The following ZNF385D variants were observed in gnomAD, a reference collection of about 807,000 sequenced individuals.
ZNF385D encodes the protein zinc finger protein 659.
A neutral mutation model predicts 35.8 loss-of-function variants in ZNF385D; 15 were observed. The ratio of observed to expected loss-of-function variants is 0.42; its 90% CI spans 0.28 to 0.64. The LOEUF is 0.64. Ranked by LOEUF, ZNF385D falls within the 30% of genes least tolerant of loss-of-function variation. ZNF385D has a pLI of 0.23. For synonymous variants in ZNF385D, 212 were observed against 186.8 expected, an observed-to-expected ratio of 1.13 and a Z score of -1.10; for missense variants, 474 against 494.6, an observed-to-expected ratio of 0.96 and a Z score of 0.39.
At chr3:21,448,988 T>A (rs1477821743) in intron 4 of ZNF385D, among the ~76,000 whole-genome samples, 2 of 152,156 alleles carry the variant, frequency 1.3e-5, no homozygotes, top group Non-Finnish European at 2.9e-5. Flanking sequence ...TTTCTTTTTT[T>A]TCTGAATATG....
chr3:21,556,654 CATG>C (rs1377192686), intron 3 of ZNF385D, among the ~76,000 whole-genome samples: 2 of 152,258 alleles, frequency 1.3e-5, no homozygotes, highest in Admixed American at 1.3e-4. Context: ...AGCCAGGTAA[CATG>C]ATAACCTCCA....
intron 3 of ZNF385D, among the ~76,000 whole-genome samples, chr3:21,867,340 C>G (rs974262451): frequency 6.6e-6 from 1 of 152,086 alleles, no homozygotes; most frequent in Non-Finnish European, 1.5e-5. Flanking sequence ...ACATTCAGAC[C>G]TTAGCACCCA....
intron 3 of ZNF385D, among the ~76,000 whole-genome samples, chr3:21,555,414 G>A (rs1424106924): frequency 6.6e-6 from 1 of 151,916 alleles, no homozygotes; most frequent in African/African-American, 2.4e-5. Context: ...TCCCTTCCCT[G>A]TGTCCATGTG....
At position 22,264,354 on chromosome 3, in the gene ZNF385D, G is replaced by T. The variant is rs74584269; in HGVS notation, c.107-95319C>A. On this transcript the variant is annotated intron_variant, in intron 2 of 5. Coordinates refer to the ZNF385D transcript ENST00000494108. ...AGACAGATGGGTCTTAGGGCAGAAC[G>T]CCAATCCCACTGAAAGTGGTGAATG... Among the ~76,000 whole-genome samples, 21 of 152,122 alleles carry T rather than the reference G, an allele frequency of 1.4e-4. No homozygotes were observed. In the East Asian group the frequency reaches 3.3e-3, roughly 24 times the overall value.
chr3:21,427,039 C>T (rs1296237052), intron 5 of ZNF385D, among the ~76,000 whole-genome samples: 4 of 152,030 alleles, frequency 2.6e-5, no homozygotes, highest in African/African-American at 7.2e-5. Context: ...CGAATTGAAA[C>T]GTGGAACCAG....
chr3:21,421,336 T>C lies in ZNF385D; in HGVS notation c.1066A>G (p.Ser356Gly), dbSNP rs1201479835. The stretch of plus-strand genomic sequence containing the variant: ...GTTGCTGCTGGAGCAGTTCGAAGAC[T>C]GAAGGGGGAACTCACTGCCACTGCT... ...AAAVAVSSPF[S>G]LRTAPAATLF... Residue 356 changes from serine (S) to glycine (G), a missense_variant, in exon 8 of 8, where the codon AGT becomes GGT. Ser to Gly is a moderately conservative substitution (Grantham distance 56). Coordinates refer to ENST00000281523, the MANE Select transcript of ZNF385D (RefSeq NM_024697.3). 3.1e-6 allele frequency: 5 copies of C among 1,613,930 alleles called. No individual in the cohort carries two copies. The highest frequency in any genetic ancestry group is 3.4e-6 in the Non-Finnish European group (4 of 1,179,906).
intron 3 of ZNF385D, among the ~76,000 whole-genome samples, chr3:22,115,039 T>C (rs1419178701): frequency 2.0e-5 from 3 of 152,028 alleles, no homozygotes; most frequent in African/African-American, 7.2e-5. Context: ...AATTAGCCAG[T>C]TTCAAGTATT....
At chr3:21,971,078 A>C (rs1559803903) in intron 3 of ZNF385D, among the ~76,000 whole-genome samples, 1 of 152,134 alleles carries the variant, frequency 6.6e-6, no homozygotes, top group Non-Finnish European at 1.5e-5. Flanking sequence ...GGAGCTCTTC[A>C]ATTTGAAAGA....
chr3:21,510,243 G>C (rs951191979), intron 4 of ZNF385D, among the ~76,000 whole-genome samples: 3 of 152,042 alleles, frequency 2.0e-5, no homozygotes, highest in African/African-American at 7.2e-5. Flanking sequence ...TCGTTGGCAG[G>C]AGCTATCCCA....
chr3:21,781,088 G>T (rs2071471316), intron 3 of ZNF385D, among the ~76,000 whole-genome samples: 1 of 152,056 alleles, frequency 6.6e-6, no homozygotes, highest in African/African-American at 2.4e-5. Context: ...AGATGGAGAA[G>T]CTAGGAGATA....
intron 3 of ZNF385D, among the ~76,000 whole-genome samples, chr3:22,094,788 G>A (rs1035013028): frequency 6.6e-6 from 1 of 152,092 alleles, no homozygotes; most frequent in African/African-American, 2.4e-5. Context: ...CTTTAAAAGA[G>A]TACAGCTGTA....
intron 1 of ZNF385D, among the ~76,000 whole-genome samples, chr3:21,686,677 C>A (rs1279737221): frequency 6.6e-6 from 1 of 152,170 alleles, no homozygotes; most frequent in Non-Finnish European, 1.5e-5. Context: ...TCTGGACTAG[C>A]TAATTTTAAG....
intron 3 of ZNF385D, among the ~76,000 whole-genome samples, chr3:21,903,651 T>A (rs780073339): frequency 1.2e-4 from 18 of 152,196 alleles, no homozygotes; most frequent in Middle Eastern, 3.2e-3. Context: ...GCATTTTATT[T>A]TACAGAAATC....
intron 3 of ZNF385D, among the ~76,000 whole-genome samples, chr3:22,149,279 C>G (rs936717528): frequency 3.3e-5 from 5 of 152,110 alleles, no homozygotes; most frequent in African/African-American, 1.2e-4. Context: ...ATTTTTCTTC[C>G]TGCTGATTGT....
At chr3:21,847,572 G>A (rs1026946269) in intron 3 of ZNF385D, among the ~76,000 whole-genome samples, 8 of 152,116 alleles carry the variant, frequency 5.3e-5, no homozygotes, top group Admixed American at 3.9e-4. Flanking sequence ...CATCATGGGT[G>A]TAGTTGATTG....
chr3:21,454,263 G>A (rs748574816), intron 4 of ZNF385D, among the ~76,000 whole-genome samples: 2 of 152,010 alleles, frequency 1.3e-5, no homozygotes, highest in African/African-American at 2.4e-5. Flanking sequence ...TCTGGAATTA[G>A]AAAGTTGCAA....
At chr3:21,964,191 C>T (rs1702750383) in intron 3 of ZNF385D, among the ~76,000 whole-genome samples, 3 of 151,652 alleles carry the variant, frequency 2.0e-5, no homozygotes, top group African/African-American at 7.3e-5. Context: ...TAAAAAAAAT[C>T]AAGGTAAGTT....
chr3:22,081,771 T>C (rs760614367), intron 3 of ZNF385D, among the ~76,000 whole-genome samples: 1 of 152,180 alleles, frequency 6.6e-6, no homozygotes, highest in Admixed American at 6.5e-5. Flanking sequence ...CGCTAAAATA[T>C]TGATTCTCTG....
intron 3 of ZNF385D, among the ~76,000 whole-genome samples, chr3:21,819,990 A>G (rs959329203): frequency 6.6e-6 from 1 of 150,822 alleles, no homozygotes; most frequent in African/African-American, 2.4e-5. Context: ...GGAGAAATCA[A>G]TGAATCATCA....
Sources: allele counts gnomAD v4.1 joint callset (sites outside exome capture counted in the v4.1 genomes callset), GRCh38; gene constraint gnomAD v4.1.1; transcripts MANE v1.5; gene names NCBI Gene and HGNC (gene_info 2026-07-23, HGNC 2026-07-21).